Variants in ENAH observed in about 807,000 individuals in gnomAD.
ENAH encodes ENAH actin regulator, also known as protein enabled homolog.
In ENAH, 23 loss-of-function variants were observed where a neutral mutation model predicts 78.7. The ratio of observed to expected loss-of-function variants is 0.29; its 90% CI spans 0.21 to 0.41. The LOEUF is 0.41. ENAH is among the 10% of genes least tolerant of loss of function. The probability of loss-of-function intolerance (pLI) is 1.00; values close to 1 mark genes in which losing one functional copy is unlikely to be tolerated. For missense variants in ENAH, 544 were observed against 691.0 expected (o/e 0.79, Z 2.39); for synonymous variants, 226 against 241.0 (o/e 0.94, Z 0.58).
chr1:225,649,541 A>T (rs1450984706), intron 1 of ENAH, among the ~76,000 whole-genome samples: 1 of 152,232 alleles, frequency 6.6e-6, no homozygotes, highest in Non-Finnish European at 1.5e-5. Context: ...CTTTTGAAAC[A>T]TTGCATAAAT....
intron 11 of ENAH, chr1:225,505,040 T>C (rs1464943237): frequency 1.2e-6 from 2 of 1,611,886 alleles, no homozygotes; most frequent in East Asian, 2.2e-5. Context: ...TGATTTTTCC[T>C]TGGAGAATCC....
At chr1:225,519,130 C>T in intron 5 of ENAH, 68 bp downstream of exon 5, 1 of 1,553,762 alleles carries the variant, frequency 6.4e-7, no homozygotes, top group Non-Finnish European at 8.7e-7. Context: ...TATTTTAACA[C>T]ATGACTGCAC....
intron 1 of ENAH, among the ~76,000 whole-genome samples, chr1:225,605,239 T>A (rs1177854239): frequency 6.6e-6 from 1 of 152,178 alleles, no homozygotes; most frequent in Non-Finnish European, 1.5e-5. Flanking sequence ...ACACTCGAAA[T>A]TGACACCTTC....
rs1041188410 is a variant in ENAH at position 225,496,712 on chromosome 1, T to A, written c.*1063A>T. On this transcript the variant is annotated 3_prime_UTR_variant, in exon 14 of 14. Coordinates refer to ENST00000366843, the MANE Select transcript of ENAH (RefSeq NM_018212.6). ...TTTGTAACATATTTACCAATTAAAG[T>A]CACAAAATATTTCTCATTATTTATT... 6.6e-6 allele frequency: 1 copy of A among 152,590 alleles called. No homozygotes were observed. The highest frequency in any genetic ancestry group is 1.5e-5 in the Non-Finnish European group (1 of 68,016). 9.5% of individuals were successfully genotyped at this position (152,590 alleles called of 1,614,324 possible).
intron 2 of ENAH, 45 bp from the exon 3 acceptor site, chr1:225,555,128 A>G: frequency 6.9e-7 from 1 of 1,458,854 alleles, no homozygotes; most frequent in Non-Finnish European, 9.3e-7. Flanking sequence ...ATAATTGGCA[A>G]AATCAAGGAT....
chr1:225,644,886 G>GA (rs1344069914), intron 1 of ENAH, among the ~76,000 whole-genome samples: 2 of 152,106 alleles, frequency 1.3e-5, no homozygotes, highest in African/African-American at 4.8e-5. Context: ...ACAAACCCCA[G>GA]AAAATCACCA....
intron 10 of ENAH, 109 bp from the exon 11 acceptor site, chr1:225,508,126 T>C: frequency 3.5e-6 from 2 of 566,796 alleles, no homozygotes; most frequent in Non-Finnish European, 5.5e-6. Flanking sequence ...ATAGTAGTAA[T>C]ATAAATAAAA....
At chr1:225,511,957 A>T (rs1441152224) in intron 9 of ENAH, 98 bp from the exon 10 acceptor site, 2 of 670,892 alleles carry the variant, frequency 3.0e-6, no homozygotes, top group Non-Finnish European at 4.9e-6. Context: ...TCTTTCTGCC[A>T]CTCCCCACTT....
At chr1:225,619,313 C>T (rs937635562) in intron 1 of ENAH, among the ~76,000 whole-genome samples, 3 of 152,084 alleles carry the variant, frequency 2.0e-5, no homozygotes, top group African/African-American at 4.8e-5. Flanking sequence ...GAGGCCAAGG[C>T]GGGCAGATCA....
At chr1:225,513,337 A>C (rs2096391152) in intron 7 of ENAH, among the ~76,000 whole-genome samples, 1 of 152,216 alleles carries the variant, frequency 6.6e-6, no homozygotes, top group Non-Finnish European at 1.5e-5. Flanking sequence ...TTGAGGAAAA[A>C]TCAGATAAGC....
At position 225,523,485 on chromosome 1, in the gene ENAH, G is replaced by T. The variant is rs10915846; in HGVS notation, c.435-3920C>A. On this transcript the variant is annotated intron_variant, in intron 4 of 13. Coordinates refer to ENST00000366843, the MANE Select transcript of ENAH (RefSeq NM_018212.6). ...TATAGGAAAAGGACACAATGCTGGA[G>T]AATATTTCTAAGTTCACAGACAGAT... is the stretch of plus-strand genomic sequence containing the variant. 2.6e-5 allele frequency among the ~76,000 whole-genome samples: 4 copies of T among 151,788 alleles called. No homozygotes were observed. The East Asian group carries it at 7.8e-4, about 30-fold the overall frequency.
chr1:225,514,533 C>T lies in ENAH; in HGVS notation c.1218+63G>A, dbSNP rs181662101. The T allele has an allele frequency of 2.4e-3, 2,837 of 1,194,420 alleles. 12 individuals are homozygous for T. Among genetic ancestry groups the T allele is most frequent in the Non-Finnish European group, 3.1e-3 (2,493 of 815,248 alleles). The allele number at this position is 1,194,420 out of a possible 1,614,324, so 74.0% of individuals were successfully genotyped here. ...TCATAAAATTAGAATACAATAAATT[C>T]AACATTTTAGATATTTAGGAAGAAT... On this transcript the variant is annotated intron_variant, in intron 7 of 13. Coordinates refer to ENST00000366843, the MANE Select transcript of ENAH (RefSeq NM_018212.6).
intron 1 of ENAH, among the ~76,000 whole-genome samples, chr1:225,602,391 G>C (rs142159594): frequency 4.2e-4 from 64 of 152,044 alleles, no homozygotes; most frequent in African/African-American, 1.4e-3. Context: ...GGCTAGTATT[G>C]AATCTAAAAC....
At chr1:225,621,244 C>G (rs1435074985) in intron 1 of ENAH, among the ~76,000 whole-genome samples, 4 of 152,116 alleles carry the variant, frequency 2.6e-5, no homozygotes, top group Non-Finnish European at 5.9e-5. Context: ...TTATACTTAT[C>G]ACCCTTCTGA....
chr1:225,537,722 C>CTT (rs11321329), intron 3 of ENAH, among the ~76,000 whole-genome samples: 9 of 146,950 alleles, frequency 6.1e-5, no homozygotes, highest in East Asian at 4.0e-4. Flanking sequence ...GGCCTATTGA[C>CTT]TTTTTTTTTT....
chr1:225,601,787 T>C (rs1425057000), intron 1 of ENAH, among the ~76,000 whole-genome samples: 2 of 151,154 alleles, frequency 1.3e-5, no homozygotes, highest in East Asian at 3.9e-4. Flanking sequence ...CTAAAAAAAA[T>C]ATAACTTAAT....
chr1:225,567,086 G>A (rs779763950), intron 2 of ENAH, among the ~76,000 whole-genome samples, 163 bp downstream of exon 2: 5 of 152,156 alleles, frequency 3.3e-5, no homozygotes, highest in Admixed American at 6.6e-5. Flanking sequence ...TTAAGTTCAG[G>A]CTTCATAAAA....
intron 1 of ENAH, 32 bp from the exon 2 acceptor site, chr1:225,567,446 G>A (rs1876085): frequency 0.053 from 84,187 of 1,588,488 alleles, 2,728 homozygotes; most frequent in South Asian, 0.1. Flanking sequence ...ATTCAAACTT[G>A]CAATATTTAA....
intron 3 of ENAH, among the ~76,000 whole-genome samples, chr1:225,533,978 C>A (rs368774251): frequency 1.3e-5 from 2 of 152,156 alleles, no homozygotes; most frequent in South Asian, 4.1e-4. Flanking sequence ...GGGGGGAAAT[C>A]TACTTTTTAA....
Sources: gnomAD v4.1 joint callset for allele counts (sites outside exome capture counted in the v4.1 genomes callset) on GRCh38, gnomAD v4.1.1 for gene constraint, MANE v1.5 for transcripts, NCBI Gene and HGNC (gene_info 2026-07-23, HGNC 2026-07-21) for gene names.